Variants in CCDC150 observed in about 807,000 individuals in gnomAD.
The protein encoded by CCDC150 is coiled-coil domain-containing protein 150.
A neutral mutation model predicts 156.5 loss-of-function variants in CCDC150; 151 were observed. The observed-to-expected ratio is 0.97, with a 90% CI of 0.85 to 1.10. The LOEUF (loss-of-function observed/expected upper bound fraction) is 1.10, where lower values mean the gene tolerates loss of function less well. Among genes scored for constraint, CCDC150 ranks in the 50% least tolerant of loss-of-function variants. CCDC150 has a pLI of 0.00. For missense variants in CCDC150, 1,312 were observed against 1,268.1 expected (o/e 1.03, Z -0.53); for synonymous variants, 452 against 429.4 (o/e 1.05, Z -0.65).
At chr2:196,713,553 C>T in intron 17 of CCDC150, 1 of 1,550,088 alleles carries the variant, frequency 6.5e-7, no homozygotes. Context: ...ATTGGAGACT[C>T]TAGGATCTCT....
At chr2:196,674,871 A>T in intron 10 of CCDC150, among the ~76,000 whole-genome samples, 1 of 152,178 alleles carries the variant, frequency 6.6e-6, no homozygotes, top group East Asian at 1.9e-4. Flanking sequence ...TTTTGTAAGC[A>T]TACTTACTAT....
intron 2 of CCDC150, among the ~76,000 whole-genome samples, chr2:196,647,703 G>T (rs1280100259): frequency 1.3e-5 from 2 of 152,048 alleles, no homozygotes; most frequent in Middle Eastern, 3.2e-3. Context: ...TAGAATTATT[G>T]TATCAGGCTA....
At chr2:196,664,506 G>A (rs1575782260) in intron 5 of CCDC150, among the ~76,000 whole-genome samples, 1 of 152,222 alleles carries the variant, frequency 6.6e-6, no homozygotes, top group Non-Finnish European at 1.5e-5. Context: ...GGGAAGGGAC[G>A]CAGGCCCTTT....
chr2:196,671,470 C>T, intron 8 of CCDC150, among the ~76,000 whole-genome samples: 1 of 130,114 alleles, frequency 7.7e-6, no homozygotes, highest in East Asian at 2.6e-4. Flanking sequence ...CACTCTGTCA[C>T]TCAGGCTGGA....
chr2:196,674,676 T>G (rs1219657845), intron 10 of CCDC150, among the ~76,000 whole-genome samples: 2 of 152,156 alleles, frequency 1.3e-5, no homozygotes, highest in Non-Finnish European at 2.9e-5. Context: ...CTCCTTTTGC[T>G]TATGCCATTT....
chr2:196,696,196 A>G (rs1252034884), intron 14 of CCDC150, among the ~76,000 whole-genome samples: 2 of 152,212 alleles, frequency 1.3e-5, no homozygotes, highest in Admixed American at 6.5e-5. Flanking sequence ...TAATAATGCT[A>G]TAACTGTGGA....
intron 13 of CCDC150, among the ~76,000 whole-genome samples, chr2:196,687,532 C>A (rs903802325): frequency 2.0e-5 from 3 of 151,950 alleles, no homozygotes; most frequent in Admixed American, 6.6e-5. Context: ...GATGTATAGT[C>A]TTTCATTCTG....
chr2:196,643,647 G>A (rs1692368660), intron 1 of CCDC150, among the ~76,000 whole-genome samples: 1 of 152,154 alleles, frequency 6.6e-6, no homozygotes, highest in South Asian at 2.1e-4. Context: ...TTTTTCCAAA[G>A]ACAGACTTTT....
chr2:196,661,518 A>C (rs1488574824), intron 5 of CCDC150, among the ~76,000 whole-genome samples: 1 of 152,092 alleles, frequency 6.6e-6, no homozygotes, highest in East Asian at 1.9e-4. Context: ...ATTTTAATTT[A>C]ATCACCTGTT....
At chr2:196,664,593 T>C (rs982071847) in intron 5 of CCDC150, among the ~76,000 whole-genome samples, 1 of 152,222 alleles carries the variant, frequency 6.6e-6, no homozygotes, top group Non-Finnish European at 1.5e-5. Flanking sequence ...CTTTTGAATT[T>C]TTATGGCGGC....
intron 21 of CCDC150, 91 bp downstream of exon 21, chr2:196,721,782 T>A: frequency 9.3e-7 from 1 of 1,073,420 alleles, no homozygotes; most frequent in Non-Finnish European, 1.3e-6. Context: ...ATAAATCAGT[T>A]AAACTCTTTT....
intron 14 of CCDC150, 142 bp from the exon 15 acceptor site, chr2:196,700,967 A>T (rs1317368064): frequency 4.9e-6 from 3 of 609,762 alleles, no homozygotes; most frequent in Non-Finnish European, 8.6e-6. Context: ...GTAGGAAAAG[A>T]CTAAAAGCAG....
chr2:196,695,621 A>G (rs1695771613), intron 14 of CCDC150, among the ~76,000 whole-genome samples: 1 of 152,138 alleles, frequency 6.6e-6, no homozygotes, highest in South Asian at 2.1e-4. Context: ...AGGCAGGTGG[A>G]TCACGAGGAA....
At chr2:196,656,923 C>T (rs765231798) in intron 3 of CCDC150, 35 bp from the exon 4 acceptor site, 2 of 1,611,794 alleles carry the variant, frequency 1.2e-6, no homozygotes, top group Non-Finnish European at 1.7e-6. Context: ...GACCTTCTTT[C>T]TGCTGCTTGA....
At chr2:196,649,923 A>AT (rs1692775872) in intron 2 of CCDC150, among the ~76,000 whole-genome samples, 1 of 152,152 alleles carries the variant, frequency 6.6e-6, no homozygotes, top group African/African-American at 2.4e-5. Flanking sequence ...TGTACATGAG[A>AT]TTTTGTATGT....
At position 196,712,177 on chromosome 2, in the gene CCDC150, G is replaced by A. The variant is rs757010282; in HGVS notation, c.1728G>A (p.Gln576=). ...IKVKQLEEQV[Q]SFTDTSLQND... ...TTAAACAGCTAGAAGAACAAGTACA[G>A]TCTTTTACTGACACCAGCTTACAGA... Residue 576 remains glutamine, a synonymous_variant, in exon 16 of 28, where the codon CAG becomes CAA. Coordinates refer to ENST00000389175, the MANE Select transcript of CCDC150 (RefSeq NM_001080539.2). 2 of 1,584,106 alleles carry A rather than the reference G, an allele frequency of 1.3e-6. No homozygotes were observed. Among genetic ancestry groups the A allele is most frequent in the East Asian group, 4.5e-5 (2 of 44,396 alleles).
At chr2:196,696,286 G>A (rs1463606817) in intron 14 of CCDC150, among the ~76,000 whole-genome samples, 1 of 151,750 alleles carries the variant, frequency 6.6e-6, no homozygotes, top group Admixed American at 6.6e-5. Flanking sequence ...TATCTGAACT[G>A]TCTCAGAGAA....
At chr2:196,713,320 G>T in intron 17 of CCDC150, 7 of 1,434,334 alleles carry the variant, frequency 4.9e-6, no homozygotes, top group Non-Finnish European at 6.4e-6. Flanking sequence ...ATAACTCTAG[G>T]TTTAGCTGAT....
rs1053243697 is a variant in CCDC150, at chr2:196,698,323, C to T, written c.1624-2786C>T. 5.3e-5 allele frequency among the ~76,000 whole-genome samples: 8 copies of T among 152,000 alleles called. 1 individual carries two copies. Among genetic ancestry groups the T allele is most frequent in the East Asian group, 1.9e-4 (1 of 5,192 alleles). ...TCACATTTTGATTTTGCTCAATTTTCGTTTGTACATTAGCATTCTCTTTAG... is the reference window on the plus strand; with the variant it reads ...TCACATTTTGATTTTGCTCAATTTTTGTTTGTACATTAGCATTCTCTTTAG... On this transcript the variant is annotated intron_variant, in intron 14 of 27. Coordinates refer to ENST00000389175, the MANE Select transcript of CCDC150 (RefSeq NM_001080539.2).
Sources: gnomAD v4.1 joint callset for allele counts (sites outside exome capture counted in the v4.1 genomes callset) on GRCh38, gnomAD v4.1.1 for gene constraint, MANE v1.5 for transcripts, NCBI Gene and HGNC (gene_info 2026-07-23, HGNC 2026-07-21) for gene names.